The following TBC1D30 variants were observed in gnomAD, a reference collection of about 807,000 sequenced individuals.
TBC1D30 encodes TBC1 domain family member 30.
A neutral mutation model predicts 63.2 loss-of-function variants in TBC1D30; 31 were observed. The observed-to-expected ratio is 0.49, with a 90% CI of 0.37 to 0.66. TBC1D30 has a LOEUF of 0.66. Ranked by LOEUF, TBC1D30 falls within the 30% of genes least tolerant of loss-of-function variation. The probability of loss-of-function intolerance (pLI) is 0.00; values close to 1 mark genes in which losing one functional copy is unlikely to be tolerated. For synonymous variants in TBC1D30, 307 were observed against 361.5 expected (o/e 0.85, Z 1.71); for missense variants, 810 against 953.6 (o/e 0.85, Z 1.98).
chr12:64,838,226 C>T, intron 6 of TBC1D30, among the ~76,000 whole-genome samples: 1 of 152,126 alleles, frequency 6.6e-6, no homozygotes, highest in East Asian at 1.9e-4. Flanking sequence ...CCACTGTGGT[C>T]TGAGAACTAA....
At chr12:64,763,810 T>C (rs1870609537) in intron 1 of TBC1D30, among the ~76,000 whole-genome samples, 1 of 152,094 alleles carries the variant, frequency 6.6e-6, no homozygotes, top group Non-Finnish European at 1.5e-5. Context: ...TGTTTCACCA[T>C]ATTGGTCTGG....
chr12:64,771,351 G>A (rs181903500), intron 1 of TBC1D30, among the ~76,000 whole-genome samples: 6 of 152,154 alleles, frequency 3.9e-5, no homozygotes, highest in South Asian at 4.2e-4. Context: ...AGCCCAGATC[G>A]AGATGGAACT....
exon 1 of TBC1D30, chr12:64,759,549 A>G (rs1196772493): frequency 5.2e-6 from 2 of 387,922 alleles, no homozygotes; most frequent in Non-Finnish European, 8.8e-6. Context: ...AGGGGCGGAG[A>G]ACCGGAGAAA....
At chr12:64,855,835 T>G (rs11504187) in intron 8 of TBC1D30, among the ~76,000 whole-genome samples, 6,510 of 152,300 alleles carry the variant, frequency 0.043, 455 homozygotes, top group African/African-American at 0.15. Flanking sequence ...CATGTTTTCC[T>G]GGATGGTGTT....
intron 8 of TBC1D30, among the ~76,000 whole-genome samples, chr12:64,849,893 TC>T (rs1876717541): frequency 6.6e-6 from 1 of 152,258 alleles, no homozygotes; most frequent in Non-Finnish European, 1.5e-5. Context: ...TATTGATTCT[TC>T]CTATCCATGA....
chr12:64,859,919 G>T (rs570836309), intron 8 of TBC1D30, among the ~76,000 whole-genome samples: 1 of 151,664 alleles, frequency 6.6e-6, no homozygotes, highest in African/African-American at 2.4e-5. Flanking sequence ...TCTGGATGCC[G>T]CTCAATCTCC....
intron 1 of TBC1D30, among the ~76,000 whole-genome samples, chr12:64,765,324 T>TA (rs1403935749): frequency 6.6e-6 from 1 of 150,566 alleles, no homozygotes; most frequent in East Asian, 2.0e-4. Context: ...CCATCTCTAC[T>TA]AAAAAATACA....
chr12:64,858,272 T>A (rs1244312805), intron 8 of TBC1D30, among the ~76,000 whole-genome samples: 1 of 152,230 alleles, frequency 6.6e-6, no homozygotes, highest in Non-Finnish European at 1.5e-5. Context: ...CCTTTTCTTT[T>A]TCAATAAATG....
rs781116173 is a variant in TBC1D30 at position 64,872,571 on chromosome 12, C to T, written c.1498+1763C>T. On this transcript the variant is annotated intron_variant, in intron 11 of 11. Transcript: ENST00000539867. ...TGCATACAGATCATTTGGGGATCTG[C>T]TAAAATATTCACTCTGTTTCAGTAG... is the stretch of plus-strand genomic sequence containing the variant. Among the ~76,000 whole-genome samples, 3 of 152,110 alleles carry T rather than the reference C, an allele frequency of 2.0e-5. No individual in the cohort carries two copies. The South Asian group carries it at 6.2e-4, about 32-fold the overall frequency.
chr12:64,877,972 T>C lies in TBC1D30; in HGVS notation c.*2184T>C, dbSNP rs1879206922. ...AGTCCTTGGGATTGTACCATTGCTG[T>C]CCACAAACTTAGTATCAACAACACA... On this transcript the variant is annotated 3_prime_UTR_variant, in exon 12 of 12. Transcript: ENST00000539867. The C allele has an allele frequency of 6.3e-6, 1 of 158,788 alleles. No homozygotes were observed. The highest frequency in any genetic ancestry group is 6.0e-5 in the Admixed American group (1 of 16,636). The allele number at this position is 158,788 out of a possible 1,614,324, so 9.8% of individuals were successfully genotyped here.
In TBC1D30 at chr12:64,866,723, T is replaced by C. The variant is rs1878246414; in HGVS notation, c.1152-41T>C. ...GTATTATGTTTTAAAATACCATGGT[T>C]TTCTTTGTATATTTCTTTTTTGTCT... On this transcript the variant is annotated intron_variant, in intron 9 of 11. Coordinates refer to ENST00000539867, the MANE Select transcript of TBC1D30 (RefSeq NM_015279.2). 2.6e-6 allele frequency: 4 copies of C among 1,521,458 alleles called. No individual in the cohort carries two copies. The Admixed American group carries it at 6.1e-5, about 23-fold the overall frequency. The allele number at this position is 1,521,458 out of a possible 1,614,324, so 94.2% of individuals were successfully genotyped here.
intron 2 of TBC1D30, among the ~76,000 whole-genome samples, chr12:64,807,918 G>GTTGTTTTTTTTTTTTTTT (rs1872969646): frequency 1.1e-5 from 1 of 93,526 alleles, no homozygotes; most frequent in African/African-American, 5.5e-5. Flanking sequence ...CCTAATTTAA[G>GTTGTTTTTTTTTTTTTTT]TTTTTTTTTT....
intron 11 of TBC1D30, among the ~76,000 whole-genome samples, chr12:64,873,041 A>T (rs1234018151): frequency 1.3e-5 from 2 of 152,180 alleles, no homozygotes; most frequent in Non-Finnish European, 2.9e-5. Flanking sequence ...TGGTTTGAGT[A>T]GCATGGTTTT....
At chr12:64,768,607 G>A (rs1283404905) in intron 1 of TBC1D30, 2 of 152,114 alleles carry the variant, frequency 1.3e-5, no homozygotes, top group African/African-American at 4.8e-5. Flanking sequence ...CAAAGTGTTG[G>A]GATTATAGGT....
rs1303187860 is a variant in TBC1D30 at position 64,836,617 on chromosome 12, A to G, written c.722A>G (p.His241Arg). ...LRMKLPELSQ[H>R]LDTLQRTANK... ...ATGAAGCTGCCGGAATTATCTCAGC[A>G]CCTGGATACTCTTCAGAGAACTGCA... Residue 241 changes from histidine (H) to arginine (R), a missense_variant, in exon 6 of 12, where the codon CAC (histidine) becomes CGC (arginine). By Grantham distance (29) the His-to-Arg change is conservative. This residue lies in a region of TBC1D30 where 272 missense variants were observed against 335.9 expected (regional missense o/e 0.81). Transcript: ENST00000539867. The G allele has an allele frequency of 2.6e-6, 4 of 1,535,832 alleles. No individual in the cohort carries two copies. The highest frequency in any genetic ancestry group is 2.0e-5 in the Admixed American group (1 of 50,962).
In TBC1D30 at chr12:64,838,850, G is replaced by A. The variant is rs890275748; in HGVS notation, c.931G>A (p.Glu311Lys). 6.8e-5 allele frequency: 104 copies of A among 1,535,904 alleles called. No homozygotes were observed. The highest frequency in any genetic ancestry group is 8.2e-5 in the Non-Finnish European group (94 of 1,146,854). Reference sequence around the variant, plus strand: ...GCTGGCTATCTGGGCAAAATTAGGAGAGTAAGTGATTTCCACCTTCTGCTC... The same window carrying A: ...GCTGGCTATCTGGGCAAAATTAGGAAAGTAAGTGATTTCCACCTTCTGCTC... The part of the protein sequence containing the change: ...VSLAIWAKLG[E>K]QIECCETADE... Residue 311 changes from glutamate to lysine, a missense_variant and splice_region_variant, in exon 7 of 12, where the codon GAG becomes AAG. Physicochemically the swap from Glu to Lys is moderately conservative, Grantham distance 56. Coordinates refer to ENST00000539867, the MANE Select transcript of TBC1D30 (RefSeq NM_015279.2).
At chr12:64,839,447 A>G (rs1334360771) in intron 7 of TBC1D30, among the ~76,000 whole-genome samples, 1 of 152,168 alleles carries the variant, frequency 6.6e-6, no homozygotes, top group Non-Finnish European at 1.5e-5. Context: ...CACCTTTGAT[A>G]TATTATGATT....
chr12:64,874,959 C>G, intron 11 of TBC1D30, 42 bp from the exon 12 acceptor site: 2 of 1,493,742 alleles, frequency 1.3e-6, no homozygotes, highest in Non-Finnish European at 1.8e-6. Flanking sequence ...GGATGTGTTT[C>G]TTTGTGGTAC....
At chr12:64,783,870 C>A in intron 1 of TBC1D30, among the ~76,000 whole-genome samples, 1 of 480 alleles carries the variant, frequency 2.1e-3, no homozygotes, top group Admixed American at 0.021. Context: ...GTTGGTCAGG[C>A]TGGTCTCAAA....
Sources: gnomAD v4.1 joint callset for allele counts (sites outside exome capture counted in the v4.1 genomes callset) on GRCh38, gnomAD v4.1.1 for gene constraint, gnomAD v4.1.1 regional missense constraint, MANE v1.5 for transcripts, NCBI Gene and HGNC (gene_info 2026-07-23, HGNC 2026-07-21) for gene names.